TRIO: variants seen among roughly 807,000 people sequenced by gnomAD.
TRIO encodes the protein trio Rho guanine nucleotide exchange factor.
A neutral mutation model predicts 351.9 loss-of-function variants in TRIO; 58 were observed. The observed-to-expected ratio is 0.16, with a 90% CI of 0.13 to 0.21. TRIO has a LOEUF of 0.21. TRIO is among the 10% of genes least tolerant of loss of function. The pLI is 1.00. For synonymous variants in TRIO, 1,758 were observed against 1,595.7 expected, an observed-to-expected ratio of 1.10 and a Z score of -2.42; for missense variants, 3,201 against 4,027.8, an observed-to-expected ratio of 0.79 and a Z score of 5.56.
intron 38 of TRIO, among the ~76,000 whole-genome samples, chr5:14,472,226 G>A (rs1231667737): frequency 6.6e-6 from 1 of 152,246 alleles, no homozygotes; most frequent in African/African-American, 2.4e-5. Context: ...TTCTTGTATA[G>A]CCAGTGAAGG....
chr5:14,343,343 C>T (rs1490264575), intron 11 of TRIO, among the ~76,000 whole-genome samples: 1 of 152,232 alleles, frequency 6.6e-6, no homozygotes, highest in Non-Finnish European at 1.5e-5. Flanking sequence ...TTTCAAGATA[C>T]AGAACCATAC....
At chr5:14,147,544 T>C (rs1787588512) in intron 1 of TRIO, among the ~76,000 whole-genome samples, 1 of 152,216 alleles carries the variant, frequency 6.6e-6, no homozygotes, top group African/African-American at 2.4e-5. Context: ...ATCTGGAGAA[T>C]AAAGGTTTGT....
chr5:14,178,674 G>A (rs570002950), intron 1 of TRIO, among the ~76,000 whole-genome samples: 3 of 152,266 alleles, frequency 2.0e-5, no homozygotes, highest in African/African-American at 4.8e-5. Flanking sequence ...TATGTAGAGG[G>A]TGAGAGTCAT....
intron 34 of TRIO, among the ~76,000 whole-genome samples, chr5:14,428,064 C>T (rs2152395340): frequency 6.6e-6 from 1 of 152,220 alleles, no homozygotes; most frequent in South Asian, 2.1e-4. Context: ...TTTGTTCACC[C>T]CAAATGTGGT....
Position 14,207,318 on chromosome 5 carries a change from T to TCTACA in TRIO, c.157+63437_157+63438insTACAC, listed in dbSNP as rs1554033391. Reference sequence around the variant, plus strand: ...CCAGGTAGCATAGCAAGACTGTCTCTCACACACACACACACACACACACAC... The same window carrying TCTACA: ...CCAGGTAGCATAGCAAGACTGTCTCTCTACACACACACACACACACACACACACAC... On this transcript the variant is annotated intron_variant, in intron 1 of 56. Transcript: ENST00000344204. 3.6e-4 allele frequency among the ~76,000 whole-genome samples: 4 copies of TCTACA among 11,054 alleles called. 2 individuals are homozygous for TCTACA. Among genetic ancestry groups the TCTACA allele is most frequent in the African/African-American group, 1.1e-3 (4 of 3,546 alleles). The allele number at this position is 11,054 out of a possible 152,430, so 7.3% of individuals were successfully genotyped here. A position where few individuals can be genotyped will look rare whatever the true frequency, so the allele number is the denominator to read the frequency against.
chr5:14,202,500 A>C (rs1791199248), intron 1 of TRIO, among the ~76,000 whole-genome samples: 1 of 151,530 alleles, frequency 6.6e-6, no homozygotes, highest in South Asian at 2.1e-4. Context: ...CAGTATCTCC[A>C]TTTGATATGC....
chr5:14,358,266 G>T lies in TRIO; in HGVS notation c.2135G>T (p.Arg712Leu), dbSNP rs370241914. ...GAGGCCGTGCAGGACCTCATCAAGC[G>T]CTTTGGCCAGCAGCAGCAGACCACC... is the stretch of plus-strand genomic sequence containing the variant. ...SVEAVQDLIK[R>L]FGQQQQTTLQ... The change falls in exon 12 of 57, where the codon CGC becomes CTC. Residue 712 changes from arginine to leucine, a missense_variant. Physicochemically the swap from Arg to Leu is moderately radical, Grantham distance 102. This residue lies in a region of TRIO where 363 missense variants were observed against 553.5 expected (regional missense o/e 0.66). Coordinates refer to ENST00000344204, the MANE Select transcript of TRIO (RefSeq NM_007118.4). 6.2e-7 allele frequency: 1 copy of T among 1,614,184 alleles called. No homozygotes were observed. The highest frequency in any genetic ancestry group is 8.5e-7 in the Non-Finnish European group (1 of 1,180,034).
intron 1 of TRIO, among the ~76,000 whole-genome samples, chr5:14,156,983 G>GA (rs1322283841): frequency 6.6e-6 from 1 of 152,172 alleles, no homozygotes. Flanking sequence ...CCTGTTGTGG[G>GA]AAAAACAGTT....
chr5:14,441,830 T>C (rs1752076031), intron 34 of TRIO, among the ~76,000 whole-genome samples: 1 of 152,232 alleles, frequency 6.6e-6, no homozygotes, highest in Admixed American at 6.5e-5. Flanking sequence ...TATGATAAGA[T>C]AATACAAAGT....
rs909579209 is a variant in TRIO, at chr5:14,360,098, T to A, written c.2391+567T>A. 2.6e-5 allele frequency among the ~76,000 whole-genome samples: 4 copies of A among 152,054 alleles called. No homozygotes were observed. The East Asian group carries it at 7.7e-4, about 29-fold the overall frequency. ...TCTCTTGCCCTTCTCTCTTCTAGAG[T>A]GGGAATAATCCTGACTTGTGGTCGT... On this transcript the variant is annotated intron_variant, in intron 13 of 56. Transcript: ENST00000344204.
intron 9 of TRIO, among the ~76,000 whole-genome samples, chr5:14,319,437 A>G (rs1363770656): frequency 6.6e-6 from 1 of 152,228 alleles, no homozygotes; most frequent in East Asian, 1.9e-4. Flanking sequence ...AATGACACAT[A>G]GGGAAGTTTT....
chr5:14,488,757 A>G (rs1420654136), intron 48 of TRIO: 1 of 588,536 alleles, frequency 1.7e-6, no homozygotes, highest in African/African-American at 1.9e-5. Flanking sequence ...TTCCAACAGC[A>G]ACTCAAAGCA....
chr5:14,380,304 C>T (rs1368204584), intron 20 of TRIO, among the ~76,000 whole-genome samples: 1 of 149,154 alleles, frequency 6.7e-6, no homozygotes, highest in Admixed American at 6.6e-5. Flanking sequence ...CTCCTTCGCG[C>T]CCCGCCTCCT....
chr5:14,260,910 A>G (rs192950564), intron 1 of TRIO, among the ~76,000 whole-genome samples: 1 of 152,350 alleles, frequency 6.6e-6, no homozygotes, highest in African/African-American at 2.4e-5. Context: ...TGGAAAATGA[A>G]TCAACACAGA....
intron 1 of TRIO, among the ~76,000 whole-genome samples, chr5:14,196,929 T>C (rs1790811429): frequency 6.6e-6 from 1 of 152,252 alleles, no homozygotes; most frequent in South Asian, 2.1e-4. Context: ...GCTGGATGAT[T>C]AACAACTTCA....
intron 11 of TRIO, among the ~76,000 whole-genome samples, chr5:14,349,050 G>GT (rs1411530476): frequency 6.6e-6 from 1 of 150,460 alleles, no homozygotes; most frequent in Non-Finnish European, 1.5e-5. Context: ...GTGAGCATGT[G>GT]TTTTTCCTGC....
intron 21 of TRIO, among the ~76,000 whole-genome samples, chr5:14,382,487 G>A (rs1332367163): frequency 1.3e-5 from 2 of 152,244 alleles, no homozygotes; most frequent in East Asian, 3.9e-4. Flanking sequence ...GACCAGGCAT[G>A]GGGGGCGCAG....
At chr5:14,283,025 C>T (rs187429993) in intron 3 of TRIO, among the ~76,000 whole-genome samples, 5 of 152,272 alleles carry the variant, frequency 3.3e-5, no homozygotes, top group African/African-American at 1.2e-4. Flanking sequence ...CCTGCAGGTG[C>T]TACCCCTAGT....
chr5:14,370,250 C>G (rs1358761830), intron 18 of TRIO, among the ~76,000 whole-genome samples: 1 of 152,048 alleles, frequency 6.6e-6, no homozygotes, highest in Non-Finnish European at 1.5e-5. Flanking sequence ...TTCAGCCTCT[C>G]TAGTAGCTGG....
Sources: allele counts gnomAD v4.1 joint callset (sites outside exome capture counted in the v4.1 genomes callset), GRCh38; gene constraint gnomAD v4.1.1; regional missense constraint gnomAD v4.1.1; transcripts MANE v1.5; gene names NCBI Gene and HGNC (gene_info 2026-07-23, HGNC 2026-07-21).